The following ADAM29 variants were observed in gnomAD, a reference collection of about 807,000 sequenced individuals.
The protein encoded by ADAM29 is disintegrin and metalloproteinase domain-containing protein 29.
For missense variants in ADAM29, 969 were observed against 1,001.8 expected, an observed-to-expected ratio of 0.97 and a Z score of 0.44; for synonymous variants, 367 against 342.3, an observed-to-expected ratio of 1.07 and a Z score of -0.80.
chr4:174,940,966 CATT>C (rs967408684), intron 4 of ADAM29, among the ~76,000 whole-genome samples: 7 of 152,166 alleles, frequency 4.6e-5, no homozygotes, highest in African/African-American at 1.7e-4. Context: ...AGAAAATCAT[CATT>C]AAGTTTTTAT....
chr4:174,976,721 G>T lies in ADAM29; in HGVS notation c.1196G>T (p.Arg399Leu). 6.2e-7 allele frequency: 1 copy of T among 1,613,892 alleles called. No homozygotes were observed. Among genetic ancestry groups the T allele is most frequent in the Non-Finnish European group, 8.5e-7 (1 of 1,179,848 alleles). The change falls in exon 5 of 5, where the codon CGC (arginine) becomes CTC (leucine). Residue 399 changes from arginine (R) to leucine (L), a missense_variant. Coordinates refer to ENST00000359240, the MANE Select transcript of ADAM29 (RefSeq NM_014269.4). ...ACAAAGGACATCTTTAATGTGAAGCGCTGTGGGAATGGTGTTGTTGAAGAA... is the reference window on the plus strand; with the variant it reads ...ACAAAGGACATCTTTAATGTGAAGCTCTGTGGGAATGGTGTTGTTGAAGAA... ...VHTKDIFNVK[R>L]CGNGVVEEGE...
At position 174,977,103 on chromosome 4, in the gene ADAM29, C is replaced by A. The variant is rs115655909; in HGVS notation, c.1578C>A (p.Thr526=). ...ASETCYKELN[T]LGDRVGHCGI... ...AGACTTGCTACAAAGAATTGAACAC[C>A]TTAGGTGACCGTGTTGGTCACTGTG... Residue 526 remains threonine (T), a synonymous_variant, in exon 5 of 5, where the codon ACC becomes ACA. Coordinates refer to ENST00000359240, the MANE Select transcript of ADAM29 (RefSeq NM_014269.4). 5.8e-5 allele frequency: 94 copies of A among 1,613,954 alleles called. No homozygotes were observed. In the East Asian group the frequency reaches 1.7e-3, roughly 30 times the overall value.
At chr4:174,925,659 T>A (rs909587756) in intron 2 of ADAM29, among the ~76,000 whole-genome samples, 1 of 152,176 alleles carries the variant, frequency 6.6e-6, no homozygotes, top group African/African-American at 2.4e-5. Flanking sequence ...ATAACTCTTA[T>A]ACTTGAGCCA....
At chr4:174,960,076 T>C (rs1050615501) in intron 4 of ADAM29, among the ~76,000 whole-genome samples, 6 of 152,030 alleles carry the variant, frequency 3.9e-5, no homozygotes, top group Non-Finnish European at 8.8e-5. Context: ...CACCTAAGTA[T>C]TCATAAAGGT....
At chr4:174,930,267 C>T (rs1398219139) in intron 2 of ADAM29, among the ~76,000 whole-genome samples, 1 of 152,164 alleles carries the variant, frequency 6.6e-6, no homozygotes, top group African/African-American at 2.4e-5. Flanking sequence ...TCTATCCCCA[C>T]TCATGATGTA....
At chr4:174,931,198 A>G (rs533109629) in intron 3 of ADAM29, 24 bp downstream of exon 3, 19 of 152,388 alleles carry the variant, frequency 1.2e-4, no homozygotes, top group African/African-American at 4.3e-4. Context: ...GCAGAGGCAC[A>G]AAATCATCAC....
intron 4 of ADAM29, among the ~76,000 whole-genome samples, chr4:174,940,786 A>G (rs910318893): frequency 6.6e-6 from 1 of 152,164 alleles, no homozygotes; most frequent in Non-Finnish European, 1.5e-5. Context: ...ATGATTATAC[A>G]TTCCATTTAT....
intron 4 of ADAM29, among the ~76,000 whole-genome samples, chr4:174,962,693 C>G (rs970761666): frequency 1.3e-5 from 2 of 151,404 alleles, no homozygotes; most frequent in Non-Finnish European, 2.9e-5. Context: ...TAGATTTAAC[C>G]ATCCCACAAC....
At chr4:174,971,476 G>A (rs1746475745) in intron 4 of ADAM29, among the ~76,000 whole-genome samples, 2 of 152,066 alleles carry the variant, frequency 1.3e-5, no homozygotes, top group African/African-American at 2.4e-5. Flanking sequence ...TAAAGGCCAG[G>A]TATAGTGTTC....
chr4:174,929,520 G>T (rs1380519312), intron 2 of ADAM29, among the ~76,000 whole-genome samples: 4 of 152,082 alleles, frequency 2.6e-5, no homozygotes, highest in African/African-American at 9.7e-5. Context: ...GTCCCTGCTG[G>T]TGCGCTTCCC....
At chr4:174,957,390 T>A (rs956649474) in intron 4 of ADAM29, among the ~76,000 whole-genome samples, 3 of 151,876 alleles carry the variant, frequency 2.0e-5, no homozygotes, top group Admixed American at 1.3e-4. Flanking sequence ...CACTGACCTG[T>A]ACCCAGTTGG....
Position 174,937,870 on chromosome 4 carries a change from A to T in ADAM29, c.-181+857A>T, listed in dbSNP as rs866480930. 3.3e-5 allele frequency among the ~76,000 whole-genome samples: 5 copies of T among 152,036 alleles called. No individual in the cohort carries two copies. The South Asian group carries it at 6.2e-4, about 19-fold the overall frequency. ...AATAAGGTATTAAAACATTATGACA[A>T]ATTGCAATGTTAAAAGCCAGGAGTG... On this transcript the variant is annotated intron_variant, in intron 4 of 4. Coordinates refer to ENST00000359240, the MANE Select transcript of ADAM29 (RefSeq NM_014269.4).
rs757836207 is a variant in ADAM29, at chr4:174,976,681, C to T, written c.1156C>T (p.Leu386Phe). The T allele has an allele frequency of 3.7e-6, 6 of 1,613,970 alleles. No individual in the cohort carries two copies. In the South Asian group the frequency reaches 4.4e-5, roughly 12 times the overall value. ...TACTGTAGAGAGGACAAAGTGTTTG[C>T]TTGAAACAGTACACACAAAGGACAT... ...EYTVERTKCLLETVHTKDIFN... is the reference protein window; with the variant it reads ...EYTVERTKCLFETVHTKDIFN... The change falls in exon 5 of 5, where the codon CTT becomes TTT. Residue 386 changes from leucine (L) to phenylalanine (F), a missense_variant. Coordinates refer to ENST00000359240, the MANE Select transcript of ADAM29 (RefSeq NM_014269.4).
chr4:174,935,108 T>A (rs1428105380), intron 3 of ADAM29, among the ~76,000 whole-genome samples: 1 of 152,114 alleles, frequency 6.6e-6, no homozygotes, highest in Non-Finnish European at 1.5e-5. Flanking sequence ...GTGTTATAAA[T>A]TTTTTACCGA....
chr4:174,945,450 A>C (rs537891580), intron 4 of ADAM29, among the ~76,000 whole-genome samples: 2 of 152,122 alleles, frequency 1.3e-5, no homozygotes, highest in Non-Finnish European at 1.5e-5. Flanking sequence ...AGGTTGTCTT[A>C]AAAATTTACT....
intron 4 of ADAM29, among the ~76,000 whole-genome samples, chr4:174,956,942 CAT>C (rs1208717828): frequency 2.0e-5 from 3 of 151,886 alleles, no homozygotes; most frequent in African/African-American, 7.2e-5. Context: ...TGTAAATCAG[CAT>C]AGTCAAATAT....
intron 4 of ADAM29, among the ~76,000 whole-genome samples, chr4:174,946,832 T>C (rs373554290): frequency 1.3e-5 from 2 of 152,166 alleles, no homozygotes; most frequent in East Asian, 3.9e-4. Flanking sequence ...CAGCTCTTCA[T>C]TACACATCTG....
At chr4:174,959,399 T>C (rs1453389864) in intron 4 of ADAM29, among the ~76,000 whole-genome samples, 1 of 151,704 alleles carries the variant, frequency 6.6e-6, no homozygotes, top group East Asian at 1.9e-4. Flanking sequence ...TTTTTTTTGT[T>C]TGTTTTACTG....
intron 1 of ADAM29, among the ~76,000 whole-genome samples, chr4:174,920,055 C>T (rs1004254905): frequency 1.3e-5 from 2 of 152,116 alleles, no homozygotes; most frequent in Non-Finnish European, 2.9e-5. Context: ...AAAATTAGCC[C>T]TTCAACAACC....
Sources: allele counts gnomAD v4.1 joint callset (sites outside exome capture counted in the v4.1 genomes callset), GRCh38; gene constraint gnomAD v4.1.1; transcripts MANE v1.5; gene names NCBI Gene and HGNC (gene_info 2026-07-23, HGNC 2026-07-21).